PKD1L3: variants seen among roughly 807,000 people sequenced by gnomAD.
The protein encoded by PKD1L3 is polycystin-1-like protein 3.
PKD1L3 carries 239 observed loss-of-function variants against 184.1 expected under a neutral mutation model. That is an observed-to-expected ratio of 1.30 (90% confidence interval 1.17 to 1.45). The LOEUF (loss-of-function observed/expected upper bound fraction) is 1.45, where lower values mean the gene tolerates loss of function less well. PKD1L3 is among the 40% of genes most tolerant of loss of function. The pLI, the probability that PKD1L3 is intolerant of heterozygous loss-of-function variation, is 0.00. For synonymous variants in PKD1L3, 996 were observed against 778.8 expected (o/e 1.28, Z -4.64); for missense variants, 2,660 against 2,067.2 (o/e 1.29, Z -5.56).
chr16:71,943,942 T>G, intron 23 of PKD1L3, 88 bp downstream of exon 23: 3 of 1,409,938 alleles, frequency 2.1e-6, no homozygotes, highest in Non-Finnish European at 2.9e-6. Flanking sequence ...TTTTTAACCC[T>G]TCTTTATTTT....
chr16:71,981,168 A>G (rs185690602), intron 7 of PKD1L3, among the ~76,000 whole-genome samples: 231 of 152,324 alleles, frequency 1.5e-3, no homozygotes, highest in Admixed American at 2.2e-3. Flanking sequence ...CTATTTAGCT[A>G]TTAAACCATG....
intron 2 of PKD1L3, among the ~76,000 whole-genome samples, chr16:71,996,014 A>G (rs1389004431): frequency 6.6e-6 from 1 of 152,152 alleles, no homozygotes; most frequent in Non-Finnish European, 1.5e-5. Context: ...ATACTGTGTA[A>G]GTGATGTGTA....
intron 4 of PKD1L3, among the ~76,000 whole-genome samples, chr16:71,987,318 T>C (rs370616270): frequency 4.6e-5 from 7 of 152,008 alleles, no homozygotes; most frequent in African/African-American, 1.7e-4. Flanking sequence ...CCTCCTGGGT[T>C]CAGGTAATCC....
chr16:71,957,533 C>G (rs1327632544), intron 16 of PKD1L3, among the ~76,000 whole-genome samples: 1 of 152,072 alleles, frequency 6.6e-6, no homozygotes, highest in Non-Finnish European at 1.5e-5. Context: ...AGTGGTAGCT[C>G]ACACCTGTAA....
chr16:71,989,107 G>A (rs2040489096), intron 4 of PKD1L3, among the ~76,000 whole-genome samples: 1 of 152,176 alleles, frequency 6.6e-6, no homozygotes, highest in African/African-American at 2.4e-5. Flanking sequence ...TCAAGGGCTA[G>A]TGGTTGTTGC....
chr16:71,932,887 C>T (rs574225623), intron 28 of PKD1L3, among the ~76,000 whole-genome samples: 1 of 146,300 alleles, frequency 6.8e-6, no homozygotes, highest in Non-Finnish European at 1.5e-5. Flanking sequence ...TCACAGGATT[C>T]TCTCTCCTCA....
At chr16:71,970,301 T>C (rs1160956330) in intron 12 of PKD1L3, among the ~76,000 whole-genome samples, 196 bp from the exon 13 acceptor site, 3 of 152,186 alleles carry the variant, frequency 2.0e-5, no homozygotes, top group African/African-American at 7.2e-5. Context: ...CAGAACAAAC[T>C]CTTTGAATCC....
At chr16:71,987,234 T>A (rs2040408030) in intron 4 of PKD1L3, among the ~76,000 whole-genome samples, 1 of 150,572 alleles carries the variant, frequency 6.6e-6, no homozygotes, top group African/African-American at 2.4e-5. Flanking sequence ...AGGAGAGGAT[T>A]TCTTGAGACT....
chr16:71,958,808 C>A (rs1295266101), intron 16 of PKD1L3, among the ~76,000 whole-genome samples: 6 of 127,786 alleles, frequency 4.7e-5, no homozygotes. Flanking sequence ...AAAAAAAAGT[C>A]GGGCACGGTG....
intron 4 of PKD1L3, among the ~76,000 whole-genome samples, chr16:71,989,601 A>T (rs146079085): frequency 6.6e-6 from 1 of 152,362 alleles, no homozygotes. Context: ...GTGAAATTTT[A>T]TAGATTATGT....
intron 17 of PKD1L3, among the ~76,000 whole-genome samples, chr16:71,953,618 C>T (rs191243612): frequency 3.2e-4 from 49 of 152,198 alleles, no homozygotes; most frequent in Admixed American, 7.9e-4. Flanking sequence ...ATCCCCGAGA[C>T]GGGGTTTTGC....
At chr16:71,958,822 C>G (rs1305326354) in intron 16 of PKD1L3, among the ~76,000 whole-genome samples, 1 of 144,314 alleles carries the variant, frequency 6.9e-6, no homozygotes, top group Non-Finnish European at 1.5e-5. Flanking sequence ...CACGGTGGCT[C>G]ACACCTGTAA....
At chr16:71,976,148 G>A (rs1472194830) in intron 11 of PKD1L3, among the ~76,000 whole-genome samples, 4 of 151,422 alleles carry the variant, frequency 2.6e-5, no homozygotes, top group Non-Finnish European at 5.9e-5. Flanking sequence ...GGGTTTCACC[G>A]TGTGGGCCAG....
chr16:71,935,591 G>T, intron 25 of PKD1L3, 73 bp from the exon 26 acceptor site: 1 of 1,405,624 alleles, frequency 7.1e-7, no homozygotes, highest in South Asian at 1.4e-5. Context: ...CAAGTGTGAT[G>T]AACGCAGCTG....
intron 18 of PKD1L3, 134 bp downstream of exon 18, chr16:71,952,760 G>C: frequency 1.1e-6 from 1 of 887,008 alleles, no homozygotes; most frequent in East Asian, 3.1e-5. Flanking sequence ...CACTTGAGCC[G>C]GGAGTTTGAG....
chr16:71,978,183 T>A, intron 10 of PKD1L3, 72 bp downstream of exon 10: 1 of 1,467,544 alleles, frequency 6.8e-7, no homozygotes, highest in Non-Finnish European at 9.2e-7. Context: ...CCCTTTAAGT[T>A]GTTGCATCCT....
chr16:71,997,725 G>T (rs993618228), intron 2 of PKD1L3, among the ~76,000 whole-genome samples: 2 of 151,228 alleles, frequency 1.3e-5, no homozygotes, highest in South Asian at 2.1e-4. Context: ...TCCAGCCTGG[G>T]CAACAAGAGC....
intron 22 of PKD1L3, 102 bp downstream of exon 22, chr16:71,947,390 G>A: frequency 1.3e-6 from 1 of 741,916 alleles, no homozygotes; most frequent in Non-Finnish European, 2.3e-6. Context: ...CAGTTGGTTA[G>A]AGACAAGTCC....
At chr16:71,993,173 G>C (rs2040656301) in intron 3 of PKD1L3, 43 bp downstream of exon 3, 1 of 1,347,154 alleles carries the variant, frequency 7.4e-7, no homozygotes, top group Non-Finnish European at 1.0e-6. Context: ...AGCAGAAATT[G>C]ATTCCACGGA....
Sources: gnomAD v4.1 joint callset for allele counts (sites outside exome capture counted in the v4.1 genomes callset) on GRCh38, gnomAD v4.1.1 for gene constraint, MANE v1.5 for transcripts, NCBI Gene and HGNC (gene_info 2026-07-23, HGNC 2026-07-21) for gene names.